Variants in MAP3K3 observed in about 807,000 individuals in gnomAD.
The protein encoded by MAP3K3 is mitogen-activated protein kinase kinase kinase 3, also known as MAP/ERK kinase kinase 3.
MAP3K3 carries 12 observed loss-of-function variants against 80.9 expected under a neutral mutation model. That is an observed-to-expected ratio of 0.15 (90% confidence interval 0.10 to 0.24). MAP3K3 has a LOEUF of 0.24. Ranked by LOEUF, MAP3K3 falls within the 10% of genes least tolerant of loss-of-function variation. The pLI is 1.00. For missense variants in MAP3K3, 596 were observed against 834.7 expected, an observed-to-expected ratio of 0.71 and a Z score of 3.52; for synonymous variants, 272 against 307.1, an observed-to-expected ratio of 0.89 and a Z score of 1.19.
intron 12 of MAP3K3, chr17:63,690,884 C>T: frequency 3.4e-6 from 2 of 583,004 alleles, no homozygotes; most frequent in Middle Eastern, 4.6e-4. Context: ...CCCCTTCTCC[C>T]ACCTCCCTGC....
intron 6 of MAP3K3, among the ~76,000 whole-genome samples, chr17:63,668,611 C>G (rs929640015): frequency 1.3e-5 from 2 of 152,136 alleles, no homozygotes; most frequent in Non-Finnish European, 2.9e-5. Context: ...CTCTTGCCCC[C>G]AAGCAAGAGC....
At chr17:63,669,758 T>G (rs995573724) in intron 6 of MAP3K3, among the ~76,000 whole-genome samples, 1 of 150,812 alleles carries the variant, frequency 6.6e-6, no homozygotes, top group Non-Finnish European at 1.5e-5. Flanking sequence ...CAACCTATCA[T>G]GTTGTCTTAT....
rs116108868 is a variant in MAP3K3 at position 63,639,538 on chromosome 17, G to A, written c.127-6496G>A. 8.2e-3 allele frequency among the ~76,000 whole-genome samples: 1,242 copies of A among 152,252 alleles called. 18 individuals are homozygous for A. The highest frequency in any genetic ancestry group is 0.028 in the African/African-American group (1,169 of 41,544). The stretch of plus-strand genomic sequence containing the variant: ...ACCTTATGAACAAAGAAGGAACATG[G>A]TGAAAAAGGTGATTGAGATGGTTGG... On this transcript the variant is annotated intron_variant, in intron 2 of 15. Coordinates refer to ENST00000361733, the MANE Select transcript of MAP3K3 (RefSeq NM_002401.5).
intron 1 of MAP3K3, among the ~76,000 whole-genome samples, chr17:63,624,089 G>A (rs1399943420): frequency 6.6e-6 from 1 of 152,138 alleles, no homozygotes; most frequent in African/African-American, 2.4e-5. Context: ...CTTCAGAAGT[G>A]CGTGCTCTTC....
At chr17:63,638,480 C>G (rs1306406584) in intron 2 of MAP3K3, among the ~76,000 whole-genome samples, 1 of 152,112 alleles carries the variant, frequency 6.6e-6, no homozygotes, top group Non-Finnish European at 1.5e-5. Context: ...CTGTTGAGTC[C>G]AGACTTTGAG....
intron 6 of MAP3K3, among the ~76,000 whole-genome samples, chr17:63,679,840 A>T (rs1460352511): frequency 2.6e-5 from 4 of 152,194 alleles, no homozygotes; most frequent in Non-Finnish European, 5.9e-5. Context: ...ACACACACAT[A>T]CATAAAACTA....
At chr17:63,681,119 A>G (rs1337982669) in intron 6 of MAP3K3, among the ~76,000 whole-genome samples, 1 of 152,042 alleles carries the variant, frequency 6.6e-6, no homozygotes, top group African/African-American at 2.4e-5. Flanking sequence ...ATTTAAAAAA[A>G]AAAAAAAAAA....
At chr17:63,663,104 A>G (rs1334632968) in intron 5 of MAP3K3, among the ~76,000 whole-genome samples, 3 of 152,190 alleles carry the variant, frequency 2.0e-5, no homozygotes, top group African/African-American at 4.8e-5. Flanking sequence ...GAGATGTTGT[A>G]TCATTCTGTT....
chr17:63,690,700 C>G (rs1403168516), intron 12 of MAP3K3: 1 of 453,570 alleles, frequency 2.2e-6, no homozygotes, highest in Non-Finnish European at 4.0e-6. Context: ...ACTCCCTCCC[C>G]TAGACAAGTA....
At chr17:63,654,571 G>A (rs9909992) in intron 4 of MAP3K3, among the ~76,000 whole-genome samples, 42,477 of 151,814 alleles carry the variant, frequency 0.28, 6,355 homozygotes, top group Middle Eastern at 0.37. Context: ...ATTCTGTAAG[G>A]TATATACCTA....
At chr17:63,655,679 G>A (rs1341991724) in intron 4 of MAP3K3, among the ~76,000 whole-genome samples, 2 of 151,944 alleles carry the variant, frequency 1.3e-5, no homozygotes, top group Non-Finnish European at 2.9e-5. Flanking sequence ...TTTTTGTAGA[G>A]ATGGGGGTCT....
In MAP3K3 at chr17:63,688,641, G is replaced by C. The variant is rs373013552; in HGVS notation, c.778+47G>C. On this transcript the variant is annotated intron_variant, in intron 9 of 15. Transcript: ENST00000361733. ...TGGGTAATGCAGGGTGTCTGGGTGG[G>C]GCCTCAGGTGGCTCTGCTTCGACTT... The C allele has an allele frequency of 1.0e-5, 16 of 1,559,692 alleles. No homozygotes were observed. The African/African-American group carries it at 2.0e-4, about 20-fold the overall frequency.
intron 2 of MAP3K3, among the ~76,000 whole-genome samples, chr17:63,643,742 C>G (rs2034490360): frequency 6.6e-6 from 1 of 152,176 alleles, no homozygotes; most frequent in African/African-American, 2.4e-5. Flanking sequence ...TCATAGAGCA[C>G]TTGGGATACT....
At chr17:63,634,218 G>GT (rs2034273855) in intron 2 of MAP3K3, among the ~76,000 whole-genome samples, 1 of 152,196 alleles carries the variant, frequency 6.6e-6, no homozygotes, top group Non-Finnish European at 1.5e-5. Flanking sequence ...TTTACCAGAA[G>GT]TGAGTCCCCT....
intron 2 of MAP3K3, among the ~76,000 whole-genome samples, chr17:63,636,068 A>G (rs887655844): frequency 6.6e-6 from 1 of 152,212 alleles, no homozygotes; most frequent in African/African-American, 2.4e-5. Flanking sequence ...ATGGAGCTCA[A>G]GCTTGGCCCA....
At chr17:63,663,388 G>C (rs1422431477) in intron 5 of MAP3K3, among the ~76,000 whole-genome samples, 1 of 152,044 alleles carries the variant, frequency 6.6e-6, no homozygotes, top group Admixed American at 6.6e-5. Flanking sequence ...CGCAATCCCA[G>C]ATACTCGGGA....
chr17:63,659,335 A>G (rs984762820), intron 5 of MAP3K3, among the ~76,000 whole-genome samples: 1 of 152,134 alleles, frequency 6.6e-6, no homozygotes, highest in African/African-American at 2.4e-5. Context: ...AAGAGTAACA[A>G]TGGTAATGTT....
intron 2 of MAP3K3, chr17:63,636,917 G>T: frequency 2.0e-6 from 1 of 512,476 alleles, no homozygotes; most frequent in Non-Finnish European, 3.7e-6. Context: ...TTGGAGGCCT[G>T]TATGCGCTTC....
At chr17:63,623,499 T>C (rs1225079273) in intron 1 of MAP3K3, among the ~76,000 whole-genome samples, 2 of 152,252 alleles carry the variant, frequency 1.3e-5, no homozygotes, top group African/African-American at 4.8e-5. Context: ...TATGTAACTT[T>C]TGAAAGAAAC....
Sources: allele counts gnomAD v4.1 joint callset (sites outside exome capture counted in the v4.1 genomes callset), GRCh38; gene constraint gnomAD v4.1.1; transcripts MANE v1.5; gene names NCBI Gene and HGNC (gene_info 2026-07-23, HGNC 2026-07-21).